Variants in WSCD2 observed in about 807,000 individuals in gnomAD.
The protein encoded by WSCD2 is WSC domain sialate O sulfotransferase 2.
WSCD2 carries 28 observed loss-of-function variants against 55.7 expected under a neutral mutation model. The ratio of observed to expected loss-of-function variants is 0.50; its 90% confidence interval spans 0.37 to 0.69. The LOEUF is 0.69. Among genes scored for constraint, WSCD2 ranks in the 30% least tolerant of loss-of-function variants. The pLI is 0.00. For missense variants in WSCD2, 616 were observed against 762.1 expected (o/e 0.81, Z 2.26); for synonymous variants, 301 against 301.9 (o/e 1.00, Z 0.03).
chr12:108,187,691 T>C (rs964658307), intron 1 of WSCD2, among the ~76,000 whole-genome samples: 1 of 152,242 alleles, frequency 6.6e-6, no homozygotes, highest in African/African-American at 2.4e-5. Flanking sequence ...ATTATTAGGG[T>C]GCTATGTATT....
chr12:108,214,514 A>T (rs1045450236), intron 4 of WSCD2, among the ~76,000 whole-genome samples: 2 of 152,232 alleles, frequency 1.3e-5, no homozygotes, highest in African/African-American at 2.4e-5. Context: ...CAGTTTGCTA[A>T]ATGTGTCGGC....
chr12:108,159,631 G>C (rs1204000293), intron 1 of WSCD2, among the ~76,000 whole-genome samples: 1 of 152,172 alleles, frequency 6.6e-6, no homozygotes, highest in East Asian at 1.9e-4. Context: ...ATGAGCTAGT[G>C]ATGTTCTGAA....
intron 1 of WSCD2, among the ~76,000 whole-genome samples, chr12:108,149,133 A>G (rs1311917005): frequency 1.3e-5 from 2 of 152,084 alleles, no homozygotes; most frequent in Non-Finnish European, 2.9e-5. Context: ...ATTCACAAAG[A>G]CCCCTGGTCA....
chr12:108,206,571 C>A (rs1364673470), intron 3 of WSCD2, among the ~76,000 whole-genome samples, 168 bp downstream of exon 3: 1 of 152,220 alleles, frequency 6.6e-6, no homozygotes, highest in Non-Finnish European at 1.5e-5. Context: ...TGCATAAGCA[C>A]ATCCACACAA....
At chr12:108,219,140 G>C (rs1485170210) in intron 4 of WSCD2, among the ~76,000 whole-genome samples, 2 of 152,160 alleles carry the variant, frequency 1.3e-5, no homozygotes, top group Non-Finnish European at 2.9e-5. Flanking sequence ...AACCCAGAGA[G>C]AGCCCGTGGG....
chr12:108,202,792 C>T (rs192950807), intron 2 of WSCD2, among the ~76,000 whole-genome samples: 4 of 152,272 alleles, frequency 2.6e-5, no homozygotes, highest in Admixed American at 1.3e-4. Flanking sequence ...ATTTGTACAA[C>T]AAACCTCGTG....
intron 1 of WSCD2, among the ~76,000 whole-genome samples, chr12:108,132,105 G>A (rs1313673155): frequency 6.6e-6 from 1 of 151,466 alleles, no homozygotes; most frequent in East Asian, 2.0e-4. Flanking sequence ...TGATGAAATT[G>A]TCAGGGAATG....
intron 7 of WSCD2, 67 bp from the exon 8 acceptor site, chr12:108,240,277 G>C (rs1360281172): frequency 3.8e-6 from 6 of 1,591,858 alleles, no homozygotes; most frequent in Non-Finnish European, 5.1e-6. Flanking sequence ...TGGCCCAGAA[G>C]AGAGTGGGGT....
intron 1 of WSCD2, among the ~76,000 whole-genome samples, chr12:108,191,980 C>A (rs952483626): frequency 6.6e-5 from 10 of 152,138 alleles, no homozygotes; most frequent in African/African-American, 2.4e-4. Flanking sequence ...CCTTTCGCAC[C>A]CACTTAGAGA....
intron 4 of WSCD2, among the ~76,000 whole-genome samples, chr12:108,211,036 C>G (rs1036036332): frequency 2.0e-5 from 3 of 152,228 alleles, no homozygotes; most frequent in Admixed American, 6.5e-5. Flanking sequence ...CAGCTAGTAA[C>G]TATTTATAAA....
At chr12:108,183,239 G>T (rs979460510) in intron 1 of WSCD2, among the ~76,000 whole-genome samples, 1 of 152,204 alleles carries the variant, frequency 6.6e-6, no homozygotes, top group Non-Finnish European at 1.5e-5. Context: ...AAAATGAGAA[G>T]ATCCAGTTTC....
chr12:108,192,267 G>C (rs962985014), intron 1 of WSCD2, among the ~76,000 whole-genome samples: 1 of 152,190 alleles, frequency 6.6e-6, no homozygotes, highest in Non-Finnish European at 1.5e-5. Flanking sequence ...CTTTTTAGGG[G>C]AGAAGTCAAG....
At position 108,240,548 on chromosome 12, in the gene WSCD2, C is replaced by T. The variant is rs762800224; in HGVS notation, c.1345+4C>T. The T allele has an allele frequency of 3.8e-6, 6 of 1,588,758 alleles. No homozygotes were observed. Among genetic ancestry groups the T allele is most frequent in the Non-Finnish European group, 5.1e-6 (6 of 1,171,576 alleles). On this transcript the variant is annotated splice_donor_region_variant and intron_variant, in intron 8 of 8. Transcript: ENST00000547525. The stretch of plus-strand genomic sequence containing the variant: ...CATGCCCACTGGAAGGGCAAAGGTA[C>T]AGCTCGGGAGAGGAGGGGAGGGGAG...
intron 4 of WSCD2, among the ~76,000 whole-genome samples, chr12:108,224,468 T>C (rs1226400680): frequency 6.6e-6 from 1 of 152,226 alleles, no homozygotes; most frequent in African/African-American, 2.4e-5. Flanking sequence ...GGGGATAGCA[T>C]GGCCCAGAAA....
At position 108,151,849 on chromosome 12, in the gene WSCD2, A is replaced by G. The variant is rs545006532; in HGVS notation, c.-552+21923A>G. ...TAATTGCTCTCTTTGGACAGATAAC[A>G]CTTCTCATCTTTTTCTAGAATTGTG... is the stretch of plus-strand genomic sequence containing the variant. On this transcript the variant is annotated intron_variant, in intron 1 of 8. Coordinates refer to ENST00000547525, the MANE Select transcript of WSCD2 (RefSeq NM_014653.4). Among the ~76,000 whole-genome samples, 14 of 152,200 alleles carry G rather than the reference A, an allele frequency of 9.2e-5. No homozygotes were observed. The South Asian group carries it at 2.9e-3, about 32-fold the overall frequency.
chr12:108,165,986 T>G (rs189058753), intron 1 of WSCD2, among the ~76,000 whole-genome samples: 47 of 152,316 alleles, frequency 3.1e-4, no homozygotes, highest in African/African-American at 1.1e-3. Context: ...AAACTGAGAT[T>G]TTTTATTGAT....
At chr12:108,201,943 C>T (rs1392605031) in intron 2 of WSCD2, among the ~76,000 whole-genome samples, 1 of 152,164 alleles carries the variant, frequency 6.6e-6, no homozygotes, top group Non-Finnish European at 1.5e-5. Flanking sequence ...TTTCAGCAGT[C>T]TTCAGACCGC....
At chr12:108,130,686 G>A (rs1875413113) in intron 1 of WSCD2, among the ~76,000 whole-genome samples, 1 of 152,106 alleles carries the variant, frequency 6.6e-6, no homozygotes, top group African/African-American at 2.4e-5. Flanking sequence ...CTTCAAAGGG[G>A]CTGCTCCTTA....
intron 4 of WSCD2, among the ~76,000 whole-genome samples, chr12:108,219,459 GCA>G (rs2137139545): frequency 6.6e-6 from 1 of 152,298 alleles, no homozygotes; most frequent in African/African-American, 2.4e-5. Context: ...ATACACAGAT[GCA>G]CACTGTGTGC....
Sources: allele counts gnomAD v4.1 joint callset (sites outside exome capture counted in the v4.1 genomes callset), GRCh38; gene constraint gnomAD v4.1.1; transcripts MANE v1.5; gene names NCBI Gene and HGNC (gene_info 2026-07-23, HGNC 2026-07-21).